NPAS3: variants seen among roughly 807,000 people sequenced by gnomAD.
The protein encoded by NPAS3 is neuronal PAS domain-containing protein 3.
Under a neutral mutation model 73.1 loss-of-function variants are expected in NPAS3, and 14 were observed. That is an observed-to-expected ratio of 0.19 (90% CI 0.13 to 0.30). The LOEUF is 0.30. Ranked by LOEUF, NPAS3 falls within the 10% of genes least tolerant of loss-of-function variation. The probability of loss-of-function intolerance (pLI) is 1.00; values close to 1 mark genes in which losing one functional copy is unlikely to be tolerated. For missense variants in NPAS3, 1,096 were observed against 1,250.0 expected, an observed-to-expected ratio of 0.88 and a Z score of 1.86; for synonymous variants, 620 against 541.5, an observed-to-expected ratio of 1.14 and a Z score of -2.01.
chr14:33,462,607 A>AT (rs145173595), intron 4 of NPAS3, among the ~76,000 whole-genome samples: 2,087 of 152,258 alleles, frequency 0.014, 47 homozygotes, highest in African/African-American at 0.048. Context: ...ATAAGCTACC[A>AT]TTTTTTAAAC....
intron 3 of NPAS3, among the ~76,000 whole-genome samples, chr14:33,274,954 A>G (rs1198404894): frequency 2.0e-5 from 3 of 152,234 alleles, no homozygotes; most frequent in South Asian, 4.1e-4. Flanking sequence ...TAAGTCATAG[A>G]TGCACGATAG....
exon 12 of NPAS3, chr14:33,799,845 G>A (rs1294303619): frequency 3.7e-6 from 6 of 1,614,150 alleles, no homozygotes; most frequent in Admixed American, 1.7e-5. Flanking sequence ...GACATGAACT[G>A]CAACGACGAC....
intron 4 of NPAS3, among the ~76,000 whole-genome samples, chr14:33,546,769 G>A (rs1469473261): frequency 6.6e-6 from 1 of 152,162 alleles, no homozygotes; most frequent in Non-Finnish European, 1.5e-5. Context: ...ACCTTGCTGA[G>A]CTTACGAGAA....
At chr14:33,784,745 A>ATTTTTTTTTTTTTTTTTTTTTTTTTT (rs1226491375) in intron 9 of NPAS3, among the ~76,000 whole-genome samples, 3 of 73,840 alleles carry the variant, frequency 4.1e-5, no homozygotes, top group African/African-American at 1.3e-4. Context: ...TTATTTATTT[A>ATTTTTTTTTTTTTTTTTTTTTTTTTT]TTTTTTTTTT....
intron 5 of NPAS3, among the ~76,000 whole-genome samples, chr14:33,603,135 T>C (rs1485679861): frequency 6.6e-6 from 1 of 152,336 alleles, no homozygotes; most frequent in South Asian, 2.1e-4. Context: ...ACATTCCACA[T>C]GTTCAAAAAG....
intron 11 of NPAS3, 73 bp downstream of exon 11, chr14:33,797,654 G>A: frequency 6.6e-7 from 1 of 1,507,832 alleles, no homozygotes; most frequent in Non-Finnish European, 9.1e-7. Flanking sequence ...AACAGCCAGA[G>A]GGCCATCATC....
intron 1 of NPAS3, among the ~76,000 whole-genome samples, chr14:33,007,648 A>T (rs1428988145): frequency 2.0e-5 from 3 of 152,240 alleles, no homozygotes; most frequent in Non-Finnish European, 4.4e-5. Flanking sequence ...AAATATAAAG[A>T]TACTGACCCT....
intron 4 of NPAS3, among the ~76,000 whole-genome samples, chr14:33,525,996 G>A (rs1484723728): frequency 6.6e-6 from 1 of 152,068 alleles, no homozygotes; most frequent in African/African-American, 2.4e-5. Context: ...AAAAATAAAA[G>A]GAAAACACAG....
At chr14:33,306,987 C>G (rs1473827671) in intron 3 of NPAS3, among the ~76,000 whole-genome samples, 1 of 152,144 alleles carries the variant, frequency 6.6e-6, no homozygotes, top group East Asian at 1.9e-4. Context: ...TACTGCTGAC[C>G]TTCTAAGGCC....
chr14:33,215,636 G>A (rs149826270), intron 3 of NPAS3: 10 of 709,060 alleles, frequency 1.4e-5, no homozygotes, highest in Non-Finnish European at 2.3e-5. Flanking sequence ...AAGTCTATCA[G>A]CCTAAAATTC....
intron 2 of NPAS3, among the ~76,000 whole-genome samples, chr14:33,171,096 T>C (rs1453044529): frequency 6.6e-6 from 1 of 152,224 alleles, no homozygotes; most frequent in Non-Finnish European, 1.5e-5. Flanking sequence ...GCAGAATGGA[T>C]GCTGTGTTAG....
chr14:33,752,989 C>T (rs899924207), intron 7 of NPAS3, among the ~76,000 whole-genome samples: 1 of 152,116 alleles, frequency 6.6e-6, no homozygotes, highest in African/African-American at 2.4e-5. Context: ...ATCATTGATG[C>T]CCCAATCTGT....
chr14:33,758,238 A>C lies in NPAS3; in HGVS notation c.853-16099A>C, dbSNP rs369336735. ...TGTCTGCACTCCTCTCCATTTCTGA[A>C]CACAAAAAGCAGTTTTGTGTCTCTG... On this transcript the variant is annotated intron_variant, in intron 7 of 11. Transcript: ENST00000356141. Among the ~76,000 whole-genome samples the C allele has an allele frequency of 2.3e-4, 35 of 152,258 alleles. 1 individual carries two copies. Among genetic ancestry groups the C allele is most frequent in the African/African-American group, 8.4e-4 (35 of 41,534 alleles).
intron 2 of NPAS3, among the ~76,000 whole-genome samples, chr14:33,056,820 TCTC>T (rs1312529479): frequency 6.6e-6 from 1 of 152,168 alleles, no homozygotes. Flanking sequence ...TTAATTAAAT[TCTC>T]CTATGGAAAA....
chr14:33,081,287 T>G (rs2041855811), intron 2 of NPAS3, among the ~76,000 whole-genome samples: 1 of 152,224 alleles, frequency 6.6e-6, no homozygotes, highest in Non-Finnish European at 1.5e-5. Context: ...TTTCAGAACC[T>G]TGACAATAAA....
intron 2 of NPAS3, among the ~76,000 whole-genome samples, chr14:33,204,365 C>T (rs138330879): frequency 6.0e-4 from 91 of 152,162 alleles, no homozygotes; most frequent in South Asian, 2.1e-3. Context: ...ATGGGAAGTA[C>T]AGTAGTGAAT....
chr14:33,803,614 A>C (rs2063764654), downstream of NPAS3: 1 of 151,974 alleles, frequency 6.6e-6, no homozygotes, highest in South Asian at 2.1e-4. Context: ...TTCTTTTATA[A>C]ATGTTTCTGT....
Position 32,961,167 on chromosome 14 carries a change from A to G in NPAS3, c.50+21801A>G, listed in dbSNP as rs138420070. On this transcript the variant is annotated intron_variant, in intron 1 of 11. Transcript: ENST00000356141. Reference sequence around the variant, plus strand: ...GGTGGCTCACGCCTGTAATCCCAGCACTTTGGGAGGCCGAGGTGGGCGGAT... The same window carrying G: ...GGTGGCTCACGCCTGTAATCCCAGCGCTTTGGGAGGCCGAGGTGGGCGGAT... Among the ~76,000 whole-genome samples the G allele has an allele frequency of 3.7e-4, 56 of 152,168 alleles. 1 individual carries two copies. The highest frequency in any genetic ancestry group is 1.3e-3 in the African/African-American group (53 of 41,532).
At chr14:33,485,318 A>G (rs1442636005) in intron 4 of NPAS3, among the ~76,000 whole-genome samples, 1 of 152,156 alleles carries the variant, frequency 6.6e-6, no homozygotes, top group African/African-American at 2.4e-5. Context: ...AATGAAATGC[A>G]TGGTTTAATC....
Sources: allele counts gnomAD v4.1 joint callset (sites outside exome capture counted in the v4.1 genomes callset), GRCh38; gene constraint gnomAD v4.1.1; transcripts MANE v1.5; gene names NCBI Gene and HGNC (gene_info 2026-07-23, HGNC 2026-07-21).